Variants in RIIAD1 observed in about 807,000 individuals in gnomAD.
RIIAD1 encodes the protein regulatory subunit of type II PKA R-subunit domain containing 1, also known as RIIa domain-containing protein 1.
In RIIAD1, 15 loss-of-function variants were observed where a neutral mutation model predicts 13.3. The ratio of observed to expected loss-of-function variants is 1.13; its 90% CI spans 0.76 to 1.74. RIIAD1 has a LOEUF of 1.74. Ranked by LOEUF, RIIAD1 falls within the 40% of genes most tolerant of loss-of-function variation. RIIAD1 has a pLI of 0.00. For missense variants in RIIAD1, 121 were observed against 112.2 expected (o/e 1.08, Z -0.35); for synonymous variants, 50 against 43.3 (o/e 1.16, Z -0.61).
chr1:151,714,029 ACCTGCCCAGG>A (rs942149089), intron 3 of RIIAD1, among the ~76,000 whole-genome samples: 2 of 151,966 alleles, frequency 1.3e-5, no homozygotes, highest in African/African-American at 2.4e-5. Context: ...TCCAGCCCAG[ACCTGCCCAGG>A]CCTGCCCAGG....
chr1:151,726,109 G>A (rs550242980), intron 2 of RIIAD1, among the ~76,000 whole-genome samples: 9 of 152,308 alleles, frequency 5.9e-5, no homozygotes, highest in Admixed American at 2.0e-4. Context: ...GATCTGGAAT[G>A]TTTTTGTCCC....
upstream of RIIAD1, among the ~76,000 whole-genome samples, chr1:151,717,513 C>G (rs1038442400): frequency 6.6e-6 from 1 of 152,252 alleles, no homozygotes; most frequent in Non-Finnish European, 1.5e-5. Flanking sequence ...CGCGGGCGCT[C>G]TCACTTGTAA....
intron 1 of RIIAD1, 182 bp downstream of exon 1, chr1:151,721,802 C>T: frequency 3.6e-6 from 2 of 562,686 alleles, no homozygotes; most frequent in Non-Finnish European, 6.3e-6. Context: ...GCACAGAGCG[C>T]GACGGGCATC....
chr1:151,713,224 C>T (rs1673175432), intron 2 of RIIAD1, among the ~76,000 whole-genome samples: 1 of 152,182 alleles, frequency 6.6e-6, no homozygotes, highest in Non-Finnish European at 1.5e-5. Flanking sequence ...ACCAGGCGCC[C>T]TTCTTCCTCA....
At chr1:151,722,817 C>T (rs888527582) in intron 2 of RIIAD1, among the ~76,000 whole-genome samples, 1 of 152,186 alleles carries the variant, frequency 6.6e-6, no homozygotes, top group Admixed American at 6.5e-5. Flanking sequence ...TCCAAAGCTC[C>T]GAGCTTGTGG....
rs546320919 is a variant in RIIAD1, at chr1:151,729,641, T to A, written c.*211T>A. On this transcript the variant is annotated 3_prime_UTR_variant, in exon 5 of 5. Coordinates refer to ENST00000479191, the MANE Select transcript of RIIAD1 (RefSeq NM_001144956.3). ...TATTTCACTCAAGAGGAGGAAGCCA[T>A]CCTTCAGGGGAGGGCTGCTGTGCCC... 2.1e-4 allele frequency: 32 copies of A among 152,314 alleles called. No individual in the cohort carries two copies. Among genetic ancestry groups the A allele is most frequent in the African/African-American group, 6.3e-4 (26 of 41,564 alleles). 9.4% of individuals were successfully genotyped at this position (152,314 alleles called of 1,614,324 possible).
intron 2 of RIIAD1, among the ~76,000 whole-genome samples, chr1:151,725,047 A>G (rs1673802527): frequency 6.8e-6 from 1 of 147,684 alleles, no homozygotes; most frequent in Non-Finnish European, 1.5e-5. Context: ...TGACCTCATG[A>G]TCCACCTGCC....
upstream of RIIAD1, among the ~76,000 whole-genome samples, chr1:151,718,158 C>G (rs1056907860): frequency 6.6e-6 from 1 of 152,188 alleles, no homozygotes; most frequent in Admixed American, 6.5e-5. Context: ...TCACGGCAGG[C>G]AGGCTTCTCT....
chr1:151,724,182 G>A (rs1673788314), intron 2 of RIIAD1, among the ~76,000 whole-genome samples: 1 of 152,172 alleles, frequency 6.6e-6, no homozygotes. Flanking sequence ...ACTGGCTGCT[G>A]TGGGAACAGC....
intron 2 of RIIAD1, among the ~76,000 whole-genome samples, chr1:151,723,200 GC>G (rs1161419710): frequency 6.6e-6 from 1 of 152,132 alleles, no homozygotes; most frequent in African/African-American, 2.4e-5. Flanking sequence ...TTCGAGACCA[GC>G]CTGACCAACA....
chr1:151,726,291 C>T (rs976081171), intron 2 of RIIAD1, among the ~76,000 whole-genome samples: 1 of 152,178 alleles, frequency 6.6e-6, no homozygotes, highest in Non-Finnish European at 1.5e-5. Context: ...GGTTCCTTGG[C>T]CTTTTGGACA....
At chr1:151,726,065 C>A (rs767670655) in intron 2 of RIIAD1, among the ~76,000 whole-genome samples, 13 of 152,202 alleles carry the variant, frequency 8.5e-5, no homozygotes, top group Non-Finnish European at 1.6e-4. Flanking sequence ...CAAACTGTTT[C>A]TCTTTCTGGG....
At chr1:151,723,110 C>T (rs985845648) in intron 2 of RIIAD1, among the ~76,000 whole-genome samples, 1 of 152,154 alleles carries the variant, frequency 6.6e-6, no homozygotes, top group South Asian at 2.1e-4. Flanking sequence ...CAAAAGTTGG[C>T]GAGGTCAGGC....
chr1:151,718,598 C>T (rs929901568), upstream of RIIAD1, among the ~76,000 whole-genome samples: 5 of 152,156 alleles, frequency 3.3e-5, no homozygotes, highest in Non-Finnish European at 5.9e-5. Flanking sequence ...CCTGGAGCCA[C>T]GCTCTGGCAG....
intron 4 of RIIAD1, chr1:151,716,118 C>A: frequency 7.6e-7 from 1 of 1,321,166 alleles, no homozygotes; most frequent in South Asian, 1.5e-5. Context: ...GCCCGGGGGC[C>A]CAGCTGGGGC....
rs949357453 is a variant in RIIAD1, at chr1:151,727,125, C to CA, written c.162-441dup. ...GCCACATAGTAAGACTCTGCCGCTA[C>CA]AAAAAAAAATTAGCCATCGCACATG... On this transcript the variant is annotated intron_variant, in intron 2 of 4. Transcript: ENST00000479191. 1.5e-4 allele frequency among the ~76,000 whole-genome samples: 23 copies of CA among 151,474 alleles called. 1 individual carries two copies. Among genetic ancestry groups the CA allele is most frequent in the Admixed American group, 3.3e-4 (5 of 15,208 alleles).
upstream of RIIAD1, among the ~76,000 whole-genome samples, chr1:151,718,034 G>A (rs1483859774): frequency 1.3e-5 from 2 of 152,150 alleles, no homozygotes; most frequent in Non-Finnish European, 2.9e-5. Context: ...AGAGCACCCT[G>A]TCTTCCTGTC....
chr1:151,727,908 A>C (rs985728065), intron 3 of RIIAD1, among the ~76,000 whole-genome samples: 15 of 152,210 alleles, frequency 9.9e-5, no homozygotes, highest in Non-Finnish European at 1.9e-4. Flanking sequence ...ATCTTAAAGC[A>C]GGGTTCTCAA....
At position 151,721,576 on chromosome 1, in the gene RIIAD1, G is replaced by A. The variant is rs1029257901; in HGVS notation, c.40G>A (p.Gly14Arg). Residue 14 changes from glycine (G) to arginine (R), a missense_variant, in exon 1 of 5, where the codon GGG becomes AGG. Gly to Arg is a moderately radical substitution (Grantham distance 125). Transcript: ENST00000479191. ...AGGCTTGCTGCAGCGGCCCGACCCC[G>A]GGGCGCTTAGCGCAGCGCAGCTGGA... is the stretch of plus-strand genomic sequence containing the variant. The part of the protein sequence containing the change: ...LPGLLQRPDP[G>R]ALSAAQLEQL... 9.8e-6 allele frequency: 13 copies of A among 1,320,548 alleles called. No homozygotes were observed. Among genetic ancestry groups the A allele is most frequent in the Middle Eastern group, 2.9e-4 (1 of 3,478 alleles). 81.8% of individuals were successfully genotyped at this position (1,320,548 alleles called of 1,614,324 possible).
Sources: allele counts gnomAD v4.1 joint callset (sites outside exome capture counted in the v4.1 genomes callset), GRCh38; gene constraint gnomAD v4.1.1; transcripts MANE v1.5; gene names NCBI Gene and HGNC (gene_info 2026-07-23, HGNC 2026-07-21).